Variants in OTUD4 observed in about 807,000 individuals in gnomAD.
The protein encoded by OTUD4 is OTU domain-containing protein 4.
A neutral mutation model predicts 130.4 loss-of-function variants in OTUD4; 24 were observed. That is an observed-to-expected ratio of 0.18 (90% CI 0.13 to 0.26). The LOEUF is 0.26. Among genes scored for constraint, OTUD4 ranks in the 10% least tolerant of loss-of-function variants. The pLI is 1.00. For missense variants in OTUD4, 1,031 were observed against 1,329.4 expected, an observed-to-expected ratio of 0.78 and a Z score of 3.49; for synonymous variants, 420 against 472.5, an observed-to-expected ratio of 0.89 and a Z score of 1.44.
intron 1 of OTUD4, among the ~76,000 whole-genome samples, chr4:145,176,023 G>A (rs918602890): frequency 6.6e-6 from 1 of 150,618 alleles, no homozygotes; most frequent in African/African-American, 2.4e-5. Flanking sequence ...TGCCATGTCC[G>A]GCTAATTTTT....
intron 3 of OTUD4, among the ~76,000 whole-genome samples, chr4:145,168,931 T>C (rs764222522): frequency 1.3e-5 from 2 of 152,218 alleles, no homozygotes; most frequent in Admixed American, 1.3e-4. Context: ...TATACACAGG[T>C]TGTGATAGAT....
At position 145,138,037 on chromosome 4, in the gene OTUD4, G is replaced by A. The variant is rs149518451; in HGVS notation, c.2738C>T (p.Pro913Leu). 150 of 1,614,182 alleles carry A rather than the reference G, an allele frequency of 9.3e-5. No individual in the cohort carries two copies. In the Middle Eastern group the frequency reaches 1.3e-3, roughly 14 times the overall value. ...CGSVSTVDEFPEARGEHVHSL... is the reference protein window; with the variant it reads ...CGSVSTVDEFLEARGEHVHSL... ...ATGTACATGTTCACCCCTGGCTTCTGGAAACTCATCTACTGTTGAAACTGA... is the reference window on the plus strand; with the variant it reads ...ATGTACATGTTCACCCCTGGCTTCTAGAAACTCATCTACTGTTGAAACTGA... The change falls in exon 21 of 21, where the codon CCA (proline) becomes CTA (leucine). Residue 913 changes from proline to leucine, a missense_variant. Pro to Leu is a moderately conservative substitution (Grantham distance 98, BLOSUM62 -3). This residue lies in a region of OTUD4 where 900 missense variants were observed against 1,095.9 expected (regional missense o/e 0.82). Coordinates refer to ENST00000447906, the MANE Select transcript of OTUD4 (RefSeq NM_001366057.1).
At chr4:145,156,954 G>A (rs1176580551) in intron 7 of OTUD4, among the ~76,000 whole-genome samples, 1 of 152,066 alleles carries the variant, frequency 6.6e-6, no homozygotes, top group South Asian at 2.1e-4. Flanking sequence ...CAAGTATACA[G>A]AGGGCCAGCT....
At chr4:145,144,634 T>C (rs1173234411) in intron 14 of OTUD4, among the ~76,000 whole-genome samples, 200 bp from the exon 15 acceptor site, 2 of 152,186 alleles carry the variant, frequency 1.3e-5, no homozygotes, top group African/African-American at 4.8e-5. Flanking sequence ...TATCGCTAAG[T>C]TGAAAGGATT....
In OTUD4 at chr4:145,144,368, C is replaced by T. The variant is rs755896834; in HGVS notation, c.1489G>A (p.Val497Ile). 6.2e-7 allele frequency: 1 copy of T among 1,612,144 alleles called. No homozygotes were observed. Among genetic ancestry groups the T allele is most frequent in the South Asian group, 1.1e-5 (1 of 90,974 alleles). Residue 497 changes from valine to isoleucine, a missense_variant, in exon 15 of 21, where the codon GTA becomes ATA. Physicochemically the swap from Val to Ile is conservative, Grantham distance 29 (BLOSUM62 3). Transcript: ENST00000447906. ...CGCCTGCTTCCTTTTCTATCACCTA[C>T]ATGTGATGATTTTCTCTGGACACAT... The part of the protein sequence containing the change: ...NPCVQRKSSH[V>I]GDRKGSRRRM...
chr4:145,141,751 G>C, intron 18 of OTUD4, 112 bp from the exon 19 acceptor site: 1 of 889,306 alleles, frequency 1.1e-6, no homozygotes, highest in Non-Finnish European at 1.6e-6. Context: ...ATCTAAAGTA[G>C]TACCTTTTAG....
chr4:145,140,441 C>A (rs553181344), intron 19 of OTUD4, among the ~76,000 whole-genome samples: 3 of 152,260 alleles, frequency 2.0e-5, no homozygotes, highest in African/African-American at 7.2e-5. Flanking sequence ...TACTCATAGA[C>A]ACAAACATCA....
chr4:145,151,968 T>C (rs979354948), intron 11 of OTUD4, among the ~76,000 whole-genome samples: 13 of 152,324 alleles, frequency 8.5e-5, no homozygotes, highest in Admixed American at 2.0e-4. Context: ...AAAGTTCCCA[T>C]ATTACGATCT....
chr4:145,143,304 AC>A, intron 17 of OTUD4, 60 bp downstream of exon 17: 1 of 1,045,542 alleles, frequency 9.6e-7, no homozygotes, highest in Middle Eastern at 2.0e-4. Flanking sequence ...ATGACCCTAT[AC>A]ACAGAGCACA....
intron 13 of OTUD4, among the ~76,000 whole-genome samples, chr4:145,149,051 C>T (rs1750948853): frequency 6.6e-6 from 1 of 152,156 alleles, no homozygotes; most frequent in South Asian, 2.1e-4. Context: ...TTCCTAATCT[C>T]TAGTACCTGT....
intron 17 of OTUD4, 65 bp from the exon 18 acceptor site, chr4:145,142,399 T>A: frequency 7.0e-7 from 1 of 1,430,380 alleles, no homozygotes; most frequent in Non-Finnish European, 9.7e-7. Context: ...TTTAACACTA[T>A]TTCTAACCAC....
Position 145,141,524 on chromosome 4 carries a change from T to G in OTUD4, c.1938A>C (p.Ala646=), listed in dbSNP as rs768082960. The G allele has an allele frequency of 6.2e-7, 1 of 1,613,604 alleles. No individual in the cohort carries two copies. Among genetic ancestry groups the G allele is most frequent in the Non-Finnish European group, 8.5e-7 (1 of 1,179,648 alleles). Residue 646 remains alanine (A), a synonymous_variant, in exon 19 of 21, where the codon GCA becomes GCC. Coordinates refer to ENST00000447906, the MANE Select transcript of OTUD4 (RefSeq NM_001366057.1). ...TPSPVPVSIQ[A]VNQPLMPLPQ... ...GCAAAGGCATCAAGGGCTGGTTAACTGCCTGTATTGACACAGGAACTGGAG... is the reference window on the plus strand; with the variant it reads ...GCAAAGGCATCAAGGGCTGGTTAACGGCCTGTATTGACACAGGAACTGGAG...
In OTUD4 at chr4:145,141,890, C is replaced by T. The variant is rs36226679; in HGVS notation, c.1823-251G>A. Among the ~76,000 whole-genome samples, 1,514 of 152,180 alleles carry T rather than the reference C, an allele frequency of 9.9e-3. 23 individuals are homozygous for T. The highest frequency in any genetic ancestry group is 0.035 in the African/African-American group (1,450 of 41,500). On this transcript the variant is annotated intron_variant, in intron 18 of 20. Coordinates refer to ENST00000447906, the MANE Select transcript of OTUD4 (RefSeq NM_001366057.1). ...ATGGGGCTGGTCAAGGGGTTCATTA[C>T]GGGGCCATAAAGAGCTGGCCCATGA...
chr4:145,155,897 T>G, intron 8 of OTUD4, 39 bp downstream of exon 8: 1 of 1,478,652 alleles, frequency 6.8e-7, no homozygotes, highest in East Asian at 2.3e-5. Flanking sequence ...CTTTCTTATA[T>G]TAAAGAACTA....
rs1317067815 is a variant in OTUD4, at chr4:145,180,072, G to C, written c.-99C>G. ...CCCGGCCTGGGGCAGGCGGCGGCTC[G>C]GGCTGGGGCTCGGGCTCCGCGAGCG... On this transcript the variant is annotated 5_prime_UTR_variant, in exon 1 of 21. Transcript: ENST00000447906. 4.0e-6 allele frequency: 4 copies of C among 1,000,152 alleles called. No individual in the cohort carries two copies. Among genetic ancestry groups the C allele is most frequent in the African/African-American group, 3.4e-5 (2 of 57,978 alleles). 62.0% of individuals were successfully genotyped at this position (1,000,152 alleles called of 1,614,324 possible).
In OTUD4 at chr4:145,146,397, T is replaced by C. The variant is rs759698268; in HGVS notation, c.1292A>G (p.Asp431Gly). The stretch of plus-strand genomic sequence containing the variant: ...ATAGTTAGATTCTCGACTTGTGTGA[T>C]CAAAATCCTCAACTCTTTCACGATC... ...KPDRERVEDF[D>G]HTSRESNYFG... The change falls in exon 14 of 21, where the codon GAT becomes GGT. Residue 431 changes from aspartate (D) to glycine (G), a missense_variant. Physicochemically the swap from Asp to Gly is moderately conservative, Grantham distance 94 (BLOSUM62 -1). Transcript: ENST00000447906. 8.3e-6 allele frequency: 13 copies of C among 1,574,706 alleles called. No individual in the cohort carries two copies. The highest frequency in any genetic ancestry group is 1.4e-5 in the African/African-American group (1 of 72,892).
intron 1 of OTUD4, among the ~76,000 whole-genome samples, chr4:145,177,472 T>C (rs1752480693): frequency 6.6e-6 from 1 of 152,256 alleles, no homozygotes; most frequent in Non-Finnish European, 1.5e-5. Flanking sequence ...ATGTAAATTA[T>C]TGTGCAAGGT....
chr4:145,140,855 G>A (rs1000076974), intron 19 of OTUD4, among the ~76,000 whole-genome samples: 1 of 52,472 alleles, frequency 1.9e-5, no homozygotes, highest in African/African-American at 7.1e-5. Flanking sequence ...GCATTAACAA[G>A]TATGCTAGAA....
intron 13 of OTUD4, among the ~76,000 whole-genome samples, chr4:145,150,253 T>C (rs1751005931): frequency 6.6e-6 from 1 of 152,270 alleles, no homozygotes; most frequent in East Asian, 1.9e-4. Flanking sequence ...AGAATAGAAT[T>C]GGGCTAGAAT....
Sources: allele counts gnomAD v4.1 joint callset (sites outside exome capture counted in the v4.1 genomes callset), GRCh38; gene constraint gnomAD v4.1.1; regional missense constraint gnomAD v4.1.1; transcripts MANE v1.5; gene names NCBI Gene and HGNC (gene_info 2026-07-23, HGNC 2026-07-21).